The following FGF11 variants were observed in gnomAD, a reference collection of about 807,000 sequenced individuals.
FGF11 encodes the protein fibroblast growth factor 11.
Under a neutral mutation model 25.1 loss-of-function variants are expected in FGF11, and 25 were observed. The observed-to-expected ratio is 1.00, with a 90% CI of 0.73 to 1.39. The LOEUF (loss-of-function observed/expected upper bound fraction) is 1.39. FGF11 is among the 40% of genes most tolerant of loss of function. FGF11 has a pLI of 0.00. For missense variants in FGF11, 320 were observed against 311.0 expected (o/e 1.03, Z -0.22); for synonymous variants, 130 against 128.9 (o/e 1.01, Z -0.06).
In FGF11 at chr17:7,440,703, G is replaced by T; in HGVS notation, c.194-768G>T. 5 of 985,508 alleles carry T rather than the reference G, an allele frequency of 5.1e-6. No individual in the cohort carries two copies. The highest frequency in any genetic ancestry group is 6.0e-6 in the Non-Finnish European group (5 of 830,286). 61.0% of individuals were successfully genotyped at this position (985,508 alleles called of 1,614,324 possible). The stretch of plus-strand genomic sequence containing the variant: ...AGCCACCTCGCGCCCTCCTCCCCGC[G>T]CCACCGGCTGCCCATAGTGGTACAA... On this transcript the variant is annotated intron_variant, in intron 1 of 4. Transcript: ENST00000293829. This position sits in a 1 kb window ranked among gnomAD's most constrained non-coding sequence, Gnocchi z 5.4.
Position 7,440,925 on chromosome 17 carries a change from C to A in FGF11, c.194-546C>A. The A allele has an allele frequency of 1.0e-6, 1 of 992,060 alleles. No homozygotes were observed. The highest frequency in any genetic ancestry group is 1.2e-6 in the Non-Finnish European group (1 of 833,664). The allele number at this position is 992,060 out of a possible 1,614,324, so 61.5% of individuals were successfully genotyped here. On this transcript the variant is annotated intron_variant, in intron 1 of 4. Transcript: ENST00000293829. This position sits in a 1 kb window ranked among gnomAD's most constrained non-coding sequence, Gnocchi z 5.4. ...GCGGACTGACAGACAGACAGACAGA[C>A]AGACAGATGGGTCAGTGTCAGACAG...
chr17:7,440,786 A>G lies in FGF11; in HGVS notation c.194-685A>G. 1 of 986,354 alleles carries G rather than the reference A, an allele frequency of 1.0e-6. No homozygotes were observed. Among genetic ancestry groups the G allele is most frequent in the Non-Finnish European group, 1.2e-6 (1 of 830,782 alleles). The allele number at this position is 986,354 out of a possible 1,614,324, so 61.1% of individuals were successfully genotyped here. A position where few individuals can be genotyped will look rare whatever the true frequency, so the allele number is the denominator to read the frequency against. ...CCCACGTGACTCAGCCTGCCTCTCC[A>G]TCTCCTCAGCTCCCACCCCCCATAT... On this transcript the variant is annotated intron_variant, in intron 1 of 4. Transcript: ENST00000293829. This position sits in a 1 kb window ranked among gnomAD's most constrained non-coding sequence, Gnocchi z 5.4.
Position 7,440,843 on chromosome 17 carries a change from T to C in FGF11, c.194-628T>C, listed in dbSNP as rs1044495946. ...TAAGGTCCCCCTTACCCCAGGCGAG[T>C]TACCTGGCCGAAGGGGAGAGGCTGA... On this transcript the variant is annotated intron_variant, in intron 1 of 4. Coordinates refer to ENST00000293829, the MANE Select transcript of FGF11 (RefSeq NM_004112.4). This position sits in a 1 kb window ranked among gnomAD's most constrained non-coding sequence, Gnocchi z 5.4. 6.1e-6 allele frequency: 6 copies of C among 987,418 alleles called. No homozygotes were observed. Among genetic ancestry groups the C allele is most frequent in the Non-Finnish European group, 7.2e-6 (6 of 831,392 alleles). The allele number at this position is 987,418 out of a possible 1,614,324, so 61.2% of individuals were successfully genotyped here. A position where few individuals can be genotyped will look rare whatever the true frequency, so the allele number is the denominator to read the frequency against.
rs188151046 is a variant in FGF11, at chr17:7,442,893, C to A, written c.607+101C>A. On this transcript the variant is annotated intron_variant, in intron 4 of 4. Coordinates refer to ENST00000293829, the MANE Select transcript of FGF11 (RefSeq NM_004112.4). ...CTCAGGCTACAAGTGATAAGAGGAC[C>A]CTTTGTGACAGATCAAGCCAGGAAG... The A allele has an allele frequency of 1.5e-3, 1,959 of 1,334,390 alleles. 3 individuals are homozygous for A. The highest frequency in any genetic ancestry group is 1.9e-3 in the Non-Finnish European group (1,815 of 932,686). 82.7% of individuals were successfully genotyped at this position (1,334,390 alleles called of 1,614,324 possible). A position where few individuals can be genotyped will look rare whatever the true frequency, so the allele number is the denominator to read the frequency against.
rs1908444514 is a variant in FGF11, at chr17:7,443,471, GC to G, written c.*326del. On this transcript the variant is annotated 3_prime_UTR_variant, in exon 5 of 5. Transcript: ENST00000293829. ...GGGAGTTCCCACATGGACAGCCAGGGCATAAACACTTCCCACCCCGGCTCAG... is the reference window on the plus strand; with the variant it reads ...GGGAGTTCCCACATGGACAGCCAGGGATAAACACTTCCCACCCCGGCTCAG... 2 of 288,886 alleles carry G rather than the reference GC, an allele frequency of 6.9e-6. No homozygotes were observed. The highest frequency in any genetic ancestry group is 1.3e-5 in the Non-Finnish European group (2 of 154,388). 17.9% of individuals were successfully genotyped at this position (288,886 alleles called of 1,614,324 possible). A position where few individuals can be genotyped will look rare whatever the true frequency, so the allele number is the denominator to read the frequency against.
rs984362635 is a variant in FGF11, at chr17:7,440,806, C to T, written c.194-665C>T. On this transcript the variant is annotated intron_variant, in intron 1 of 4. Transcript: ENST00000293829. The surrounding 1 kb of genome is among the most constrained non-coding windows in gnomAD (Gnocchi z 5.4). Reference sequence around the variant, plus strand: ...TCTCCATCTCCTCAGCTCCCACCCCCCATATCCTTGGTAAGGTCCCCCTTA... The same window carrying T: ...TCTCCATCTCCTCAGCTCCCACCCCTCATATCCTTGGTAAGGTCCCCCTTA... The T allele has an allele frequency of 2.0e-6, 2 of 987,950 alleles. No individual in the cohort carries two copies. Among genetic ancestry groups the T allele is most frequent in the Non-Finnish European group, 2.4e-6 (2 of 831,590 alleles). 61.2% of individuals were successfully genotyped at this position (987,950 alleles called of 1,614,324 possible).
chr17:7,441,713 A>C (rs1908333461), intron 2 of FGF11, 63 bp from the exon 3 acceptor site: 2 of 1,562,504 alleles, frequency 1.3e-6, no homozygotes, highest in African/African-American at 1.4e-5. Context: ...TGGAGCTGGG[A>C]TGAGGGGAGC....
chr17:7,439,940 G>A, intron 1 of FGF11, 127 bp downstream of exon 1: 2 of 722,012 alleles, frequency 2.8e-6, no homozygotes, highest in African/African-American at 1.9e-5. Flanking sequence ...GGGCCAGGAC[G>A]ACAAAGTCCC....
chr17:7,444,899 C>T lies in FGF11; in HGVS notation c.*1753C>T. ...CTGCTCCCAGGGGATCGGGTCTCCA[C>T]TCCAGCTTTCTCAATTAAAGACGAT... On this transcript the variant is annotated 3_prime_UTR_variant, in exon 5 of 5. Transcript: ENST00000293829. The T allele has an allele frequency of 5.0e-6, 3 of 604,052 alleles. No homozygotes were observed. Among genetic ancestry groups the T allele is most frequent in the Non-Finnish European group, 5.9e-6 (2 of 339,556 alleles). 37.4% of individuals were successfully genotyped at this position (604,052 alleles called of 1,614,324 possible).
Position 7,443,356 on chromosome 17 carries a change from C to G in FGF11, c.*210C>G. 3 of 511,284 alleles carry G rather than the reference C, an allele frequency of 5.9e-6. No homozygotes were observed. The highest frequency in any genetic ancestry group is 1.0e-5 in the Non-Finnish European group (3 of 290,170). The allele number at this position is 511,284 out of a possible 1,614,324, so 31.7% of individuals were successfully genotyped here. A position where few individuals can be genotyped will look rare whatever the true frequency, so the allele number is the denominator to read the frequency against. ...TAGATCTTTGGGCCTAGGAGGGAGT[C>G]AGAGAGGGGGATGTCTGAAGATGGT... is the stretch of plus-strand genomic sequence containing the variant. On this transcript the variant is annotated 3_prime_UTR_variant, in exon 5 of 5. Coordinates refer to ENST00000293829, the MANE Select transcript of FGF11 (RefSeq NM_004112.4).
chr17:7,441,736 C>A, intron 2 of FGF11, 40 bp from the exon 3 acceptor site: 1 of 1,568,494 alleles, frequency 6.4e-7, no homozygotes, highest in Non-Finnish European at 8.7e-7. Context: ...AGGTGAGGGT[C>A]AGAGGCCTGG....
Position 7,440,953 on chromosome 17 carries a change from C to A in FGF11, c.194-518C>A, listed in dbSNP as rs537438837. 3.8e-5 allele frequency: 38 copies of A among 1,002,534 alleles called. No homozygotes were observed. Among genetic ancestry groups the A allele is most frequent in the Non-Finnish European group, 3.6e-6 (3 of 839,002 alleles). 62.1% of individuals were successfully genotyped at this position (1,002,534 alleles called of 1,614,324 possible). A position where few individuals can be genotyped will look rare whatever the true frequency, so the allele number is the denominator to read the frequency against. On this transcript the variant is annotated intron_variant, in intron 1 of 4. Transcript: ENST00000293829. This position sits in a 1 kb window ranked among gnomAD's most constrained non-coding sequence, Gnocchi z 5.4. The stretch of plus-strand genomic sequence containing the variant: ...ACAGATGGGTCAGTGTCAGACAGGC[C>A]GGCGCTGGGCCAAGGCAAGGCTCTC...
Position 7,440,227 on chromosome 17 carries a change from C to G in FGF11, c.193+414C>G, listed in dbSNP as rs1371591992. ...CTGCAGCTCCAGCCGCACGCCCCCC[C>G]CCAGCCCCCGCCTGCCCCGGTTCTC... On this transcript the variant is annotated intron_variant, in intron 1 of 4. Coordinates refer to ENST00000293829, the MANE Select transcript of FGF11 (RefSeq NM_004112.4). This position sits in a 1 kb window ranked among gnomAD's most constrained non-coding sequence, Gnocchi z 5.4. 2.5e-5 allele frequency: 4 copies of G among 162,092 alleles called. No homozygotes were observed. Among genetic ancestry groups the G allele is most frequent in the Non-Finnish European group, 2.7e-5 (2 of 75,028 alleles). The allele number at this position is 162,092 out of a possible 1,614,324, so 10.0% of individuals were successfully genotyped here.
Position 7,441,548 on chromosome 17 carries a change from A to C in FGF11, c.271A>C (p.Ile91Leu), listed in dbSNP as rs1241496100. ...FYLQANPDGS[I>L]QGTPEDTSSF... Reference sequence around the variant, plus strand: ...CCTCCAGGCGAATCCCGACGGAAGCATCCAGGGCACCCCAGAGGATACCAG... The same window carrying C: ...CCTCCAGGCGAATCCCGACGGAAGCCTCCAGGGCACCCCAGAGGATACCAG... The change falls in exon 2 of 5, where the codon ATC becomes CTC. Residue 91 changes from isoleucine (I) to leucine (L), a missense_variant. Coordinates refer to ENST00000293829, the MANE Select transcript of FGF11 (RefSeq NM_004112.4). 3 of 1,614,206 alleles carry C rather than the reference A, an allele frequency of 1.9e-6. No homozygotes were observed. Among genetic ancestry groups the C allele is most frequent in the African/African-American group, 2.7e-5 (2 of 75,042 alleles).
Position 7,443,875 on chromosome 17 carries a change from A to T in FGF11, c.*729A>T, listed in dbSNP as rs910354683. 18 of 152,192 alleles carry T rather than the reference A, an allele frequency of 1.2e-4. No individual in the cohort carries two copies. The highest frequency in any genetic ancestry group is 3.4e-4 in the African/African-American group (14 of 41,430). The allele number at this position is 152,192 out of a possible 1,614,324, so 9.4% of individuals were successfully genotyped here. On this transcript the variant is annotated 3_prime_UTR_variant, in exon 5 of 5. Transcript: ENST00000293829. ...GACACCCAATTCTAGAGCTTTATGG[A>T]GCCGTACTTCCCCCTGAATCCTAGC...
chr17:7,441,531 C>G lies in FGF11; in HGVS notation c.254C>G (p.Ala85Gly). The G allele has an allele frequency of 6.2e-7, 1 of 1,614,138 alleles. No individual in the cohort carries two copies. The highest frequency in any genetic ancestry group is 1.1e-5 in the South Asian group (1 of 91,084). Residue 85 changes from alanine to glycine, a missense_variant, in exon 2 of 5, where the codon GCG (alanine) becomes GGG (glycine). Physicochemically the swap from Ala to Gly is moderately conservative, Grantham distance 60. Transcript: ENST00000293829. ...TGCCGCCAGGGTTTCTACCTCCAGG[C>G]GAATCCCGACGGAAGCATCCAGGGC... ...LFCRQGFYLQ[A>G]NPDGSIQGTP...
rs964070400 is a variant in FGF11, at chr17:7,439,981, T to G, written c.193+168T>G. 12 of 505,734 alleles carry G rather than the reference T, an allele frequency of 2.4e-5. No individual in the cohort carries two copies. In the Admixed American group the frequency reaches 5.2e-4, roughly 22 times the overall value. 31.3% of individuals were successfully genotyped at this position (505,734 alleles called of 1,614,324 possible). On this transcript the variant is annotated intron_variant, in intron 1 of 4. Coordinates refer to ENST00000293829, the MANE Select transcript of FGF11 (RefSeq NM_004112.4). ...GACTGTGCCTCAGTTTCCCTTCTCT[T>G]TTGTCCATAACCCGGAGTCTCCTTA...
Position 7,439,565 on chromosome 17 carries a change from GA to G in FGF11, c.-55del, listed in dbSNP as rs957756842. The stretch of plus-strand genomic sequence containing the variant: ...CCCTAGTGAGCGGGCTCCTCTGGGG[GA>G]GCCCAGCGCGCTCCGGGCGCCTGCC... On this transcript the variant is annotated 5_prime_UTR_variant, in exon 1 of 5. Coordinates refer to ENST00000293829, the MANE Select transcript of FGF11 (RefSeq NM_004112.4). 4 of 1,352,574 alleles carry G rather than the reference GA, an allele frequency of 3.0e-6. No homozygotes were observed. The African/African-American group carries it at 6.2e-5, about 21-fold the overall frequency. 83.8% of individuals were successfully genotyped at this position (1,352,574 alleles called of 1,614,324 possible). A position where few individuals can be genotyped will look rare whatever the true frequency, so the allele number is the denominator to read the frequency against.
chr17:7,443,443 G>A lies in FGF11; in HGVS notation c.*297G>A, dbSNP rs189331761. ...ACGCCATGCCTTTTCCTGAGATGGC[G>A]CTGGGAGTTCCCACATGGACAGCCA... On this transcript the variant is annotated 3_prime_UTR_variant, in exon 5 of 5. Coordinates refer to ENST00000293829, the MANE Select transcript of FGF11 (RefSeq NM_004112.4). The A allele has an allele frequency of 4.2e-4, 139 of 334,400 alleles. No individual in the cohort carries two copies. Among genetic ancestry groups the A allele is most frequent in the African/African-American group, 2.3e-3 (108 of 47,110 alleles). 20.7% of individuals were successfully genotyped at this position (334,400 alleles called of 1,614,324 possible). A position where few individuals can be genotyped will look rare whatever the true frequency, so the allele number is the denominator to read the frequency against.
Sources: gnomAD v4.1 joint callset for allele counts on GRCh38, gnomAD v4.1.1 for gene constraint, Gnocchi (gnomAD v3.1) non-coding constraint, MANE v1.5 for transcripts, NCBI Gene and HGNC (gene_info 2026-07-23, HGNC 2026-07-21) for gene names.